The following COL28A1 variants were observed in gnomAD, a reference collection of about 807,000 sequenced individuals.
The protein encoded by COL28A1 is collagen alpha-1(XXVIII) chain.
Under a neutral mutation model 150.2 loss-of-function variants are expected in COL28A1, and 161 were observed. The observed-to-expected ratio is 1.07, with a 90% CI of 0.94 to 1.22. COL28A1 has a LOEUF of 1.22. Among genes scored for constraint, COL28A1 ranks in the 50% most tolerant of loss-of-function variants. The pLI, the probability that COL28A1 is intolerant of heterozygous loss-of-function variation, is 0.00. For synonymous variants in COL28A1, 552 were observed against 469.7 expected (o/e 1.18, Z -2.26); for missense variants, 1,617 against 1,388.3 (o/e 1.16, Z -2.62).
chr7:7,432,681 C>T lies in COL28A1; in HGVS notation c.1880G>A (p.Gly627Glu). 6.2e-7 allele frequency: 1 copy of T among 1,613,782 alleles called. No individual in the cohort carries two copies. The highest frequency in any genetic ancestry group is 1.1e-5 in the South Asian group (1 of 91,052). Reference protein sequence around the residue: ...RGPKGVQGPRGPVGAPGLKGD... With the variant: ...RGPKGVQGPREPVGAPGLKGD... Reference sequence around the variant, plus strand: ...TTTGAGTCCTGGAGCACCCACTGGTCCCCGAGGGCCTTGGACACCCTGGGT... The same window carrying T: ...TTTGAGTCCTGGAGCACCCACTGGTTCCCGAGGGCCTTGGACACCCTGGGT... The change falls in exon 24 of 35, where the codon GGA (glycine) becomes GAA (glutamate). Residue 627 changes from glycine (G) to glutamate (E), a missense_variant. Physicochemically the swap from Gly to Glu is moderately conservative, Grantham distance 98. Transcript: ENST00000399429.
chr7:7,450,935 G>A (rs568287339), intron 18 of COL28A1, among the ~76,000 whole-genome samples: 161 of 152,212 alleles, frequency 1.1e-3, no homozygotes, highest in African/African-American at 3.6e-3. Flanking sequence ...ATCATGTAAA[G>A]TTTAAGGACA....
At chr7:7,380,567 C>A in intron 30 of COL28A1, 93 bp downstream of exon 30, 1 of 1,093,602 alleles carries the variant, frequency 9.1e-7, no homozygotes, top group Non-Finnish European at 1.4e-6. Flanking sequence ...TGGGATTCTG[C>A]ATCCAAAAAA....
chr7:7,474,593 TACA>T lies in COL28A1; in HGVS notation c.1302+5_1302+7del. 9.2e-7 allele frequency: 1 copy of T among 1,091,470 alleles called. No homozygotes were observed. The highest frequency in any genetic ancestry group is 1.4e-6 in the Non-Finnish European group (1 of 703,208). 67.6% of individuals were successfully genotyped at this position (1,091,470 alleles called of 1,614,324 possible). On this transcript the variant is annotated splice_donor_5th_base_variant and intron_variant, in intron 15 of 34. Transcript: ENST00000399429. ...ATTGTTTCCAGTGTACACCCTATTATACAGTACCTTCTCCCCTTTGATTGACAG... is the reference window on the plus strand; with the variant it reads ...ATTGTTTCCAGTGTACACCCTATTATGTACCTTCTCCCCTTTGATTGACAG...
intron 32 of COL28A1, 114 bp downstream of exon 32, chr7:7,372,884 G>T: frequency 1.3e-6 from 1 of 768,446 alleles, no homozygotes; most frequent in Non-Finnish European, 2.1e-6. Context: ...ATTTAATGTT[G>T]GCATAAGCCT....
chr7:7,422,423 G>GT (rs1314341174), intron 25 of COL28A1, among the ~76,000 whole-genome samples: 2 of 152,088 alleles, frequency 1.3e-5, no homozygotes, highest in Non-Finnish European at 2.9e-5. Flanking sequence ...ATGGTCAGGA[G>GT]TTTGAGATCA....
intron 27 of COL28A1, among the ~76,000 whole-genome samples, chr7:7,384,592 C>T (rs1056453605): frequency 6.6e-6 from 1 of 151,768 alleles, no homozygotes; most frequent in East Asian, 1.9e-4. Context: ...TAAATTAGGC[C>T]TTATTATAGG....
intron 23 of COL28A1, among the ~76,000 whole-genome samples, chr7:7,435,191 T>C (rs572376174): frequency 6.6e-6 from 1 of 152,296 alleles, no homozygotes; most frequent in South Asian, 2.1e-4. Flanking sequence ...TTAATTGGAT[T>C]GTATTCCTAT....
intron 18 of COL28A1, among the ~76,000 whole-genome samples, chr7:7,448,042 G>A (rs1049838529): frequency 2.6e-5 from 4 of 152,126 alleles, no homozygotes; most frequent in Non-Finnish European, 4.4e-5. Context: ...CTTCAGCCTT[G>A]GTGAAAGTGA....
chr7:7,447,593 A>G (rs1234454547), intron 18 of COL28A1, among the ~76,000 whole-genome samples: 1 of 152,102 alleles, frequency 6.6e-6, no homozygotes, highest in Admixed American at 6.6e-5. Flanking sequence ...ACTATACTCC[A>G]TACAGTCAAG....
chr7:7,409,062 G>A (rs191370354), intron 27 of COL28A1, among the ~76,000 whole-genome samples: 30 of 152,150 alleles, frequency 2.0e-4, no homozygotes, highest in African/African-American at 7.0e-4. Context: ...GGTGAGGCTT[G>A]AATAAAATAA....
chr7:7,531,840 G>A lies in COL28A1; in HGVS notation c.189C>T (p.Leu63=), dbSNP rs763035613. Residue 63 remains leucine (L), a synonymous_variant, in exon 3 of 35, where the codon CTC becomes CTT. Transcript: ENST00000399429. ...VDSSESSKIA[L]FDKQKDFVDS... is the part of the protein sequence containing the mutation. ...CCACAAAATCTTTCTGTTTATCAAA[G>A]AGGGCAATTTTAGAACTTTCAGAGC... 2 of 1,607,856 alleles carry A rather than the reference G, an allele frequency of 1.2e-6. No homozygotes were observed. The highest frequency in any genetic ancestry group is 1.7e-6 in the Non-Finnish European group (2 of 1,174,418).
At chr7:7,448,187 A>G (rs1332318731) in intron 18 of COL28A1, among the ~76,000 whole-genome samples, 1 of 152,238 alleles carries the variant, frequency 6.6e-6, no homozygotes, top group Non-Finnish European at 1.5e-5. Context: ...TAGATCTAAG[A>G]ATATCAGTGA....
chr7:7,485,113 C>T (rs1779552268), intron 13 of COL28A1, among the ~76,000 whole-genome samples: 1 of 151,806 alleles, frequency 6.6e-6, no homozygotes, highest in South Asian at 2.1e-4. Flanking sequence ...GCAAATGTAC[C>T]CCTGAACCTC....
Position 7,411,374 on chromosome 7 carries a change from A to T in COL28A1, c.2136+6485T>A, listed in dbSNP as rs148012088. ...TTCTGGCTGTGCCCATTTATGCTAC[A>T]CTCTGCAAGGTGAGCTGACCCACCC... On this transcript the variant is annotated intron_variant, in intron 27 of 34. Coordinates refer to ENST00000399429, the MANE Select transcript of COL28A1 (RefSeq NM_001037763.3). Among the ~76,000 whole-genome samples, 948 of 152,146 alleles carry T rather than the reference A, an allele frequency of 6.2e-3. 6 individuals are homozygous for T. Among genetic ancestry groups the T allele is most frequent in the Non-Finnish European group, 0.011 (723 of 68,002 alleles).
chr7:7,413,847 C>A (rs1783920845), intron 27 of COL28A1, among the ~76,000 whole-genome samples: 2 of 152,192 alleles, frequency 1.3e-5, no homozygotes, highest in Non-Finnish European at 2.9e-5. Context: ...CTAATTCTCT[C>A]AATGAATAAA....
Position 7,531,763 on chromosome 7 carries a change from T to C in COL28A1, c.266A>G (p.Tyr89Cys). ...CTGAAGGGCTGCCAGTTTGATGTCA[T>C]ATTCCAAGGAGCGACCAGGAGTCAA... ...FQLTPGRSLE[Y>C]DIKLAALQFS... The change falls in exon 3 of 35, where the codon TAT (tyrosine) becomes TGT (cysteine). Residue 89 changes from tyrosine (Y) to cysteine (C), a missense_variant. Transcript: ENST00000399429. 6.2e-7 allele frequency: 1 copy of C among 1,609,324 alleles called. No individual in the cohort carries two copies. The highest frequency in any genetic ancestry group is 1.1e-5 in the South Asian group (1 of 90,992).
At chr7:7,459,685 A>G (rs1787452181) in intron 15 of COL28A1, among the ~76,000 whole-genome samples, 1 of 152,198 alleles carries the variant, frequency 6.6e-6, no homozygotes, top group South Asian at 2.1e-4. Context: ...CTAATCTGGT[A>G]TAATCTGCAG....
intron 31 of COL28A1, among the ~76,000 whole-genome samples, chr7:7,374,036 A>ACATATATAT (rs1281053510): frequency 9.5e-4 from 74 of 77,844 alleles, no homozygotes; most frequent in African/African-American, 3.1e-3. Flanking sequence ...AAAAAAAAAA[A>ACATATATAT]AAATATATAT....
Position 7,456,108 on chromosome 7 carries a change from T to A in COL28A1, c.1307A>T (p.Asp436Val). 2 of 1,613,140 alleles carry A rather than the reference T, an allele frequency of 1.2e-6. No individual in the cohort carries two copies. Among genetic ancestry groups the A allele is most frequent in the Non-Finnish European group, 1.7e-6 (2 of 1,179,548 alleles). The change falls in exon 16 of 35, where the codon GAT becomes GTT. Residue 436 changes from aspartate to valine, a missense_variant. Transcript: ENST00000399429. ...TCCTTGGGGTCCCACAGGTCCTATATCCCCCTGCACAGAAAATAAGCCAGG... is the reference window on the plus strand; with the variant it reads ...TCCTTGGGGTCCCACAGGTCCTATAACCCCCTGCACAGAAAATAAGCCAGG... ...QGLSIKGEKG[D>V]IGPVGPQGPM... is the part of the protein sequence containing the mutation.
Sources: allele counts gnomAD v4.1 joint callset (sites outside exome capture counted in the v4.1 genomes callset), GRCh38; gene constraint gnomAD v4.1.1; transcripts MANE v1.5; gene names NCBI Gene and HGNC (gene_info 2026-07-23, HGNC 2026-07-21).